Variants in NBEA observed in about 807,000 individuals in gnomAD.
NBEA encodes the protein lysosomal-trafficking regulator 2.
NBEA carries 44 observed loss-of-function variants against 343.4 expected under a neutral mutation model. That is an observed-to-expected ratio of 0.13 (90% CI 0.10 to 0.16). The LOEUF (loss-of-function observed/expected upper bound fraction) is 0.16, where lower values mean the gene tolerates loss of function less well. Ranked by LOEUF, NBEA falls within the 10% of genes least tolerant of loss-of-function variation. The pLI is 1.00. For missense variants in NBEA, 2,555 were observed against 3,631.3 expected (o/e 0.70, Z 7.62); for synonymous variants, 1,175 against 1,238.7 (o/e 0.95, Z 1.08).
chr13:35,523,187 T>C (rs1010984848), intron 41 of NBEA, among the ~76,000 whole-genome samples: 1 of 152,150 alleles, frequency 6.6e-6, no homozygotes, highest in African/African-American at 2.4e-5. Context: ...CAGAAACCTT[T>C]CCATCCACTA....
rs548789850 is a variant in NBEA, at chr13:35,301,113, TG to T, written c.5839-8414del. On this transcript the variant is annotated intron_variant, in intron 35 of 58. Coordinates refer to ENST00000379939, the MANE Select transcript of NBEA (RefSeq NM_001385012.1). Reference sequence around the variant, plus strand: ...CCTTTTCTGTCTCTCATTTAGTAGGTGAAAAAAATAAACTTCTGTTTTCTTC... The same window carrying T: ...CCTTTTCTGTCTCTCATTTAGTAGGTAAAAAAATAAACTTCTGTTTTCTTC... Among the ~76,000 whole-genome samples the T allele has an allele frequency of 2.1e-3, 315 of 152,048 alleles. 2 individuals are homozygous for T. The highest frequency in any genetic ancestry group is 7.4e-3 in the African/African-American group (307 of 41,496).
intron 31 of NBEA, among the ~76,000 whole-genome samples, chr13:35,197,656 C>T (rs1405529716): frequency 1.3e-5 from 2 of 152,082 alleles, no homozygotes; most frequent in Admixed American, 1.3e-4. Flanking sequence ...GCACCTGCCA[C>T]CACGCCTGGC....
At chr13:35,283,558 C>T (rs1157611761) in intron 34 of NBEA, among the ~76,000 whole-genome samples, 3 of 152,096 alleles carry the variant, frequency 2.0e-5, no homozygotes, top group Non-Finnish European at 4.4e-5. Context: ...CACAGTACCA[C>T]TGATTTCTGA....
chr13:35,251,314 T>C, intron 34 of NBEA: 1 of 903,674 alleles, frequency 1.1e-6, no homozygotes, highest in Non-Finnish European at 1.3e-6. Flanking sequence ...GTGCATCCGC[T>C]TCCAGCCTGT....
intron 1 of NBEA, among the ~76,000 whole-genome samples, chr13:34,996,340 C>T (rs930202347): frequency 9.2e-5 from 14 of 152,008 alleles, no homozygotes; most frequent in African/African-American, 3.4e-4. Flanking sequence ...ATTTATTTTA[C>T]ATCCCATGAT....
chr13:35,500,476 TG>T (rs1008523692), intron 41 of NBEA, among the ~76,000 whole-genome samples: 1 of 152,050 alleles, frequency 6.6e-6, no homozygotes, highest in African/African-American at 2.4e-5. Context: ...AGTTGTCTTT[TG>T]GGGTTGCTGC....
At chr13:35,139,880 G>A (rs866601885) in intron 17 of NBEA, among the ~76,000 whole-genome samples, 3 of 149,724 alleles carry the variant, frequency 2.0e-5, no homozygotes, top group South Asian at 4.2e-4. Flanking sequence ...GCATCTTCAA[G>A]TTTCCCCCGA....
At chr13:35,168,042 T>G (rs886890800) in intron 24 of NBEA, among the ~76,000 whole-genome samples, 1 of 151,744 alleles carries the variant, frequency 6.6e-6, no homozygotes, top group Non-Finnish European at 1.5e-5. Flanking sequence ...AATAACAAAG[T>G]CTTAATTTTA....
intron 34 of NBEA, among the ~76,000 whole-genome samples, chr13:35,235,568 A>T (rs906835066): frequency 5.9e-5 from 9 of 152,222 alleles, no homozygotes; most frequent in Non-Finnish European, 1.2e-4. Context: ...CCGCCAGAGC[A>T]AAGGCACAAT....
chr13:35,592,743 A>G (rs1285149078), intron 46 of NBEA, among the ~76,000 whole-genome samples: 1 of 152,084 alleles, frequency 6.6e-6, no homozygotes, highest in African/African-American at 2.4e-5. Context: ...CAAATTAGGT[A>G]GTTTAGACTC....
At chr13:35,423,090 C>G (rs573376451) in intron 38 of NBEA, among the ~76,000 whole-genome samples, 9 of 152,170 alleles carry the variant, frequency 5.9e-5, no homozygotes, top group African/African-American at 2.2e-4. Flanking sequence ...TTCTCCCATT[C>G]TGTAGGTTGT....
At chr13:35,475,896 G>A (rs752510839) in intron 41 of NBEA, 11 of 1,613,988 alleles carry the variant, frequency 6.8e-6, no homozygotes, top group African/African-American at 4.0e-5. Context: ...CCCCCATTTG[G>A]TTGAGATAAA....
chr13:34,964,294 AAGAATCTGTTTGCTTACCC>A (rs1246179633), intron 1 of NBEA, among the ~76,000 whole-genome samples: 1 of 151,976 alleles, frequency 6.6e-6, no homozygotes, highest in Non-Finnish European at 1.5e-5. Context: ...TGAAGTCCTC[AAGAATCTGTTTGCTTACCC>A]AGGCACAAAA....
At chr13:35,254,434 C>T (rs1172477274) in intron 34 of NBEA, among the ~76,000 whole-genome samples, 1 of 151,132 alleles carries the variant, frequency 6.6e-6, no homozygotes, top group Non-Finnish European at 1.5e-5. Context: ...GTTGATCATC[C>T]AGCCTCAGCC....
intron 31 of NBEA, among the ~76,000 whole-genome samples, chr13:35,202,370 T>A (rs1178727109): frequency 6.6e-6 from 1 of 152,152 alleles, no homozygotes; most frequent in Non-Finnish European, 1.5e-5. Flanking sequence ...TCTCCCAAAC[T>A]TAGTGTAATC....
chr13:35,479,007 G>T (rs2076008659), intron 41 of NBEA, among the ~76,000 whole-genome samples: 1 of 152,240 alleles, frequency 6.6e-6, no homozygotes, highest in Admixed American at 6.5e-5. Context: ...GCTTAATTGG[G>T]TTAAAGCGAA....
intron 11 of NBEA, among the ~76,000 whole-genome samples, chr13:35,100,230 T>G (rs1003366721): frequency 6.6e-6 from 1 of 152,066 alleles, no homozygotes; most frequent in South Asian, 2.1e-4. Flanking sequence ...ATATTACATG[T>G]CTTTATACAT....
At chr13:35,415,025 T>A (rs958780188) in intron 38 of NBEA, among the ~76,000 whole-genome samples, 1 of 152,236 alleles carries the variant, frequency 6.6e-6, no homozygotes, top group Admixed American at 6.5e-5. Context: ...GCTGCATAAA[T>A]GTCTTCTTTT....
At chr13:35,145,448 C>T (rs1041213560) in intron 18 of NBEA, among the ~76,000 whole-genome samples, 3 of 152,144 alleles carry the variant, frequency 2.0e-5, no homozygotes, top group Non-Finnish European at 2.9e-5. Flanking sequence ...AAGTTTAGAA[C>T]TTGAATAACA....
Sources: gnomAD v4.1 joint callset for allele counts (sites outside exome capture counted in the v4.1 genomes callset) on GRCh38, gnomAD v4.1.1 for gene constraint, MANE v1.5 for transcripts, NCBI Gene and HGNC (gene_info 2026-07-23, HGNC 2026-07-21) for gene names.